The following STAU1 variants were observed in gnomAD, a reference collection of about 807,000 sequenced individuals.
The protein encoded by STAU1 is staufen double-stranded RNA binding protein 1, also known as double-stranded RNA-binding protein Staufen homolog 1.
STAU1 carries 13 observed loss-of-function variants against 62.9 expected under a neutral mutation model. The ratio of observed to expected loss-of-function variants is 0.21; its 90% CI spans 0.13 to 0.33. The LOEUF (loss-of-function observed/expected upper bound fraction) is 0.33, where lower values mean the gene tolerates loss of function less well. STAU1 is among the 10% of genes least tolerant of loss of function. The pLI, the probability that STAU1 is intolerant of heterozygous loss-of-function variation, is 1.00. For missense variants in STAU1, 571 were observed against 712.1 expected (o/e 0.80, Z 2.25); for synonymous variants, 269 against 265.1 (o/e 1.01, Z -0.14).
At chr20:49,156,821 TTTG>T (rs1255535638) in intron 3 of STAU1, among the ~76,000 whole-genome samples, 1 of 152,174 alleles carries the variant, frequency 6.6e-6, no homozygotes, top group East Asian at 1.9e-4. Flanking sequence ...CTTATCCTTT[TTTG>T]TTGTTTTTTA....
chr20:49,119,863 G>C (rs1320879337), intron 9 of STAU1, 119 bp downstream of exon 9: 10 of 1,235,580 alleles, frequency 8.1e-6, no homozygotes, highest in South Asian at 3.1e-5. Flanking sequence ...CTCCTCAGCA[G>C]GACTCCTTGA....
Position 49,166,125 on chromosome 20 carries a change from G to A in STAU1, c.77C>T (p.Ser26Phe), listed in dbSNP as rs1210617985. Residue 26 changes from serine to phenylalanine, a missense_variant, in exon 3 of 14, where the codon TCT (serine) becomes TTT (phenylalanine). By Grantham distance (155) the Ser-to-Phe change is radical. Transcript: ENST00000371856. ...ACTCATCAAAGGCTGTGAGAGAAGA[G>A]ACTGGTTCTTGTTCAGTATTTGGCT... Reference protein sequence around the residue: ...SGSQILNKNQSLLSQPLMSIP... With the variant: ...SGSQILNKNQFLLSQPLMSIP... 4 of 1,614,200 alleles carry A rather than the reference G, an allele frequency of 2.5e-6. No homozygotes were observed. The highest frequency in any genetic ancestry group is 3.4e-6 in the Non-Finnish European group (4 of 1,180,032).
At chr20:49,129,280 A>ATTTTTTTTTTT (rs71184264) in intron 6 of STAU1, among the ~76,000 whole-genome samples, 9 of 87,928 alleles carry the variant, frequency 1.0e-4, no homozygotes, top group African/African-American at 2.8e-4. Context: ...TTAAAAAAAA[A>ATTTTTTTTTTT]TTTTTTTTTT....
chr20:49,203,122 A>G, the STAU1 span, among the ~76,000 whole-genome samples: 1 of 151,896 alleles, frequency 6.6e-6, no homozygotes, highest in Admixed American at 6.6e-5. Context: ...ATAATAAAAG[A>G]CAAGAGTACA....
chr20:49,175,144 G>A (rs2093643473), intron 1 of STAU1, among the ~76,000 whole-genome samples: 1 of 150,742 alleles, frequency 6.6e-6, no homozygotes, highest in Admixed American at 6.6e-5. Flanking sequence ...AAAAGAGCGA[G>A]ACTCCGTCTC....
intron 12 of STAU1, among the ~76,000 whole-genome samples, 154 bp downstream of exon 12, chr20:49,116,972 C>T (rs1486715825): frequency 6.6e-6 from 1 of 152,150 alleles, no homozygotes; most frequent in Non-Finnish European, 1.5e-5. Context: ...GACAAAAAGT[C>T]TTCAAAAATA....
chr20:49,182,269 G>A (rs538077257), intron 1 of STAU1, among the ~76,000 whole-genome samples: 5 of 152,186 alleles, frequency 3.3e-5, no homozygotes, highest in African/African-American at 7.2e-5. Context: ...CACCAGTATG[G>A]GAATGTAAAC....
At chr20:49,179,697 C>T (rs927151447) in intron 1 of STAU1, among the ~76,000 whole-genome samples, 2 of 152,198 alleles carry the variant, frequency 1.3e-5, no homozygotes, top group Admixed American at 1.3e-4. Flanking sequence ...ATTCATGCCT[C>T]AGTTAATTGT....
the STAU1 span, among the ~76,000 whole-genome samples, chr20:49,216,371 C>CA: frequency 6.6e-6 from 1 of 151,764 alleles, no homozygotes; most frequent in Non-Finnish European, 1.5e-5. Context: ...ACTAAAAATA[C>CA]AAAAAAATTG....
At chr20:49,145,083 A>G (rs1600717715) in intron 5 of STAU1, among the ~76,000 whole-genome samples, 1 of 152,356 alleles carries the variant, frequency 6.6e-6, no homozygotes, top group Non-Finnish European at 1.5e-5. Context: ...AAAAAAGAAT[A>G]CAACTCATGC....
At chr20:49,143,266 T>C (rs1247258822) in intron 5 of STAU1, among the ~76,000 whole-genome samples, 2 of 152,174 alleles carry the variant, frequency 1.3e-5, no homozygotes, top group Non-Finnish European at 2.9e-5. Flanking sequence ...ACTGATTCCA[T>C]AGTGTATAGT....
intron 3 of STAU1, among the ~76,000 whole-genome samples, chr20:49,165,187 G>A (rs1262143953): frequency 6.6e-6 from 1 of 152,050 alleles, no homozygotes; most frequent in Non-Finnish European, 1.5e-5. Flanking sequence ...TGGGACTACA[G>A]GCACGCACCA....
rs1043357 is a variant in STAU1 at position 49,114,691 on chromosome 20, A to C, written c.*187T>G. On this transcript the variant is annotated 3_prime_UTR_variant, in exon 14 of 14. Coordinates refer to ENST00000371856, the MANE Select transcript of STAU1 (RefSeq NM_017453.4). ...CCGAGTGGCCATCACAACAAACCCCAGCACAGTCCAGCCCGGCCACAGCCG... is the reference window on the plus strand; with the variant it reads ...CCGAGTGGCCATCACAACAAACCCCCGCACAGTCCAGCCCGGCCACAGCCG... 0.38 allele frequency: 242,651 copies of C among 639,382 alleles called. 48,948 individuals carry two copies. The highest frequency in any genetic ancestry group is 0.45 in the Middle Eastern group (1,058 of 2,332). 39.6% of individuals were successfully genotyped at this position (639,382 alleles called of 1,614,324 possible).
At chr20:49,198,282 G>A in the STAU1 span, among the ~76,000 whole-genome samples, 23 of 152,022 alleles carry the variant, frequency 1.5e-4, no homozygotes, top group Non-Finnish European at 2.9e-4. Context: ...TTGGGAGGCC[G>A]AGGTGGGCAG....
chr20:49,132,064 G>A (rs114422133), intron 6 of STAU1, among the ~76,000 whole-genome samples: 2,033 of 151,810 alleles, frequency 0.013, 54 homozygotes, highest in African/African-American at 0.046. Flanking sequence ...AGGAGGTAGC[G>A]GAGAATGGGG....
chr20:49,134,519 A>ATGG (rs2092830263), intron 6 of STAU1: 2 of 1,255,788 alleles, frequency 1.6e-6, no homozygotes, highest in Non-Finnish European at 2.3e-6. Flanking sequence ...TCCTGACACC[A>ATGG]AACTCATCGG....
rs377731288 is a variant in STAU1 at position 49,117,882 on chromosome 20, G to T, written c.1404C>A (p.Ala468=). 3.7e-6 allele frequency: 6 copies of T among 1,614,038 alleles called. No individual in the cohort carries two copies. In the African/African-American group the frequency reaches 5.3e-5, roughly 14 times the overall value. ...AGATGTTATTCTTTAAAATGGTCTC[G>T]GCTGTGGGCGAGGTGCCCCCATACA... ...ELLYGGTSPT[A]ETILKNNISS... The change falls in exon 11 of 14, where the codon GCC becomes GCA. Residue 468 remains alanine, a synonymous_variant. Transcript: ENST00000371856. The surrounding 1 kb of genome is among the most constrained non-coding windows in gnomAD (Gnocchi z 4.6).
chr20:49,118,246 T>C, intron 10 of STAU1, 87 bp downstream of exon 10: 1 of 1,412,428 alleles, frequency 7.1e-7, no homozygotes, highest in South Asian at 1.2e-5. Context: ...ATGCGGGACC[T>C]CACTGGCTGG....
intron 5 of STAU1, among the ~76,000 whole-genome samples, chr20:49,149,764 G>A (rs773488001): frequency 5.3e-5 from 8 of 152,148 alleles, no homozygotes; most frequent in East Asian, 1.9e-4. Context: ...TGATTATAGC[G>A]GAAAATGGAA....
Sources: allele counts gnomAD v4.1 joint callset (sites outside exome capture counted in the v4.1 genomes callset), GRCh38; gene constraint gnomAD v4.1.1; non-coding constraint Gnocchi (gnomAD v3.1); transcripts MANE v1.5; gene names NCBI Gene and HGNC (gene_info 2026-07-23, HGNC 2026-07-21).